TBC1D23: variants seen among roughly 807,000 people sequenced by gnomAD.
The protein encoded by TBC1D23 is TBC1 domain family member 23, also known as HCV non-structural protein 4A-transactivated protein 1.
Under a neutral mutation model 91.4 loss-of-function variants are expected in TBC1D23, and 55 were observed. That is an observed-to-expected ratio of 0.60 (90% CI 0.48 to 0.75). The LOEUF (loss-of-function observed/expected upper bound fraction) is 0.75, where lower values mean the gene tolerates loss of function less well. Ranked by LOEUF, TBC1D23 falls within the 30% of genes least tolerant of loss-of-function variation. The probability of loss-of-function intolerance (pLI) is 0.00; values close to 1 mark genes in which losing one functional copy is unlikely to be tolerated. For missense variants in TBC1D23, 725 were observed against 836.1 expected, an observed-to-expected ratio of 0.87 and a Z score of 1.64; for synonymous variants, 289 against 281.0, an observed-to-expected ratio of 1.03 and a Z score of -0.28.
At chr3:100,322,032 G>C (rs960245338) in intron 18 of TBC1D23, among the ~76,000 whole-genome samples, 2 of 151,502 alleles carry the variant, frequency 1.3e-5, no homozygotes, top group African/African-American at 4.8e-5. Context: ...TTTGTGTTCT[G>C]ATTTTTTAAG....
Position 100,290,668 on chromosome 3 carries a change from G to A in TBC1D23, c.567G>A (p.Lys189=), listed in dbSNP as rs1443752126. 6.2e-7 allele frequency: 1 copy of A among 1,612,678 alleles called. No individual in the cohort carries two copies. The highest frequency in any genetic ancestry group is 8.5e-7 in the Non-Finnish European group (1 of 1,179,116). ...EPELCSYLDT[K]KITPDSYALN... The stretch of plus-strand genomic sequence containing the variant: ...AGCTTTGTTCTTATCTTGATACAAA[G>A]AAAATTACTCCAGACTCCTATGCAC... Residue 189 remains lysine, a synonymous_variant, in exon 5 of 19, where the codon AAG becomes AAA. Coordinates refer to ENST00000394144, the MANE Select transcript of TBC1D23 (RefSeq NM_001199198.3).
chr3:100,282,393 TGTA>T (rs1238515704), intron 3 of TBC1D23, among the ~76,000 whole-genome samples: 3 of 152,234 alleles, frequency 2.0e-5, no homozygotes, highest in African/African-American at 7.2e-5. Flanking sequence ...ATGGGTTTGT[TGTA>T]GTCTTAAATT....
At chr3:100,312,448 T>A (rs576006077) in intron 15 of TBC1D23, among the ~76,000 whole-genome samples, 1 of 152,182 alleles carries the variant, frequency 6.6e-6, no homozygotes, top group East Asian at 1.9e-4. Flanking sequence ...GAAAAAAAAT[T>A]ACATTTTTTT....
At chr3:100,302,387 T>C (rs1042959168) in intron 11 of TBC1D23, 150 bp downstream of exon 11, 1 of 555,006 alleles carries the variant, frequency 1.8e-6, no homozygotes, top group African/African-American at 2.0e-5. Flanking sequence ...TCTCATATGC[T>C]TATATGATTT....
In TBC1D23 at chr3:100,284,305, C is replaced by T. The variant is rs551609890; in HGVS notation, c.476+494C>T. ...TTTTTATAACGTGTTGTATAATGCA[C>T]AGAAATTTATTTTTAAAAAATAATT... On this transcript the variant is annotated intron_variant, in intron 4 of 18. Coordinates refer to ENST00000394144, the MANE Select transcript of TBC1D23 (RefSeq NM_001199198.3). Among the ~76,000 whole-genome samples the T allele has an allele frequency of 4.5e-4, 68 of 152,008 alleles. 1 individual carries two copies. In the Middle Eastern group the frequency reaches 0.01, roughly 23 times the overall value.
At chr3:100,282,476 T>G (rs1272414042) in intron 3 of TBC1D23, among the ~76,000 whole-genome samples, 1 of 152,214 alleles carries the variant, frequency 6.6e-6, no homozygotes, top group Non-Finnish European at 1.5e-5. Flanking sequence ...TTCCAAAAGT[T>G]TATCTATAAA....
At position 100,295,166 on chromosome 3, in the gene TBC1D23, C is replaced by G; in HGVS notation, c.680C>G (p.Pro227Arg). The G allele has an allele frequency of 1.2e-6, 2 of 1,605,344 alleles. No homozygotes were observed. Among genetic ancestry groups the G allele is most frequent in the Non-Finnish European group, 1.7e-6 (2 of 1,176,296 alleles). The change falls in exon 6 of 19, where the codon CCA (proline) becomes CGA (arginine). Residue 227 changes from proline (P) to arginine (R), a missense_variant. Coordinates refer to ENST00000394144, the MANE Select transcript of TBC1D23 (RefSeq NM_001199198.3). ...GATGGATATCTACAACAAGCAGATCCATTTTTTATTTATTTCTTAATGTTA... is the reference window on the plus strand; with the variant it reads ...GATGGATATCTACAACAAGCAGATCGATTTTTTATTTATTTCTTAATGTTA... ...IWDGYLQQAD[P>R]FFIYFLMLII...
intron 1 of TBC1D23, among the ~76,000 whole-genome samples, chr3:100,263,906 T>C (rs2067535867): frequency 6.6e-6 from 1 of 152,180 alleles, no homozygotes; most frequent in South Asian, 2.1e-4. Flanking sequence ...TTTTCTCTTG[T>C]AGGATTGATG....
chr3:100,304,954 G>A, intron 12 of TBC1D23, 66 bp downstream of exon 12: 2 of 885,406 alleles, frequency 2.3e-6, no homozygotes, highest in South Asian at 2.8e-5. Context: ...ATTATCAATA[G>A]AGTTGATCTG....
chr3:100,306,295 C>CGTCTG, intron 12 of TBC1D23, 142 bp from the exon 13 acceptor site: 1 of 577,258 alleles, frequency 1.7e-6, no homozygotes, highest in Non-Finnish European at 3.1e-6. Flanking sequence ...CCTTTACAGA[C>CGTCTG]GTGCAGAAAG....
At position 100,305,678 on chromosome 3, in the gene TBC1D23, A is replaced by C. The variant is rs556718464; in HGVS notation, c.1307-759A>C. Among the ~76,000 whole-genome samples, 4 of 152,292 alleles carry C rather than the reference A, an allele frequency of 2.6e-5. No homozygotes were observed. In the South Asian group the frequency reaches 6.2e-4, roughly 24 times the overall value. On this transcript the variant is annotated intron_variant, in intron 12 of 18. Transcript: ENST00000394144. ...GGCTGTAACTTAGGATTTTGGGAAC[A>C]TTAGGATGTATTTCCTCCTGGTCAT... is the stretch of plus-strand genomic sequence containing the variant.
chr3:100,320,589 T>A (rs1705836800), intron 17 of TBC1D23, among the ~76,000 whole-genome samples, 188 bp from the exon 18 acceptor site: 2 of 152,196 alleles, frequency 1.3e-5, no homozygotes, highest in African/African-American at 4.8e-5. Context: ...AAAATATTAA[T>A]TTTGCATACA....
intron 15 of TBC1D23, chr3:100,315,893 C>T: frequency 1.8e-6 from 1 of 562,574 alleles, no homozygotes; most frequent in East Asian, 2.8e-5. Context: ...CTACCAAGGC[C>T]TTATGCCACT....
chr3:100,320,187 G>C (rs1705824787), intron 17 of TBC1D23, among the ~76,000 whole-genome samples: 1 of 151,866 alleles, frequency 6.6e-6, no homozygotes, highest in Non-Finnish European at 1.5e-5. Flanking sequence ...TCATCCTACA[G>C]AATGTTCCAC....
intron 1 of TBC1D23, among the ~76,000 whole-genome samples, chr3:100,277,199 T>C (rs1164475375): frequency 6.6e-6 from 1 of 152,252 alleles, no homozygotes; most frequent in African/African-American, 2.4e-5. Flanking sequence ...AGAATTCTTA[T>C]CTCTGATTGA....
At chr3:100,312,073 T>G (rs1705634416) in intron 15 of TBC1D23, among the ~76,000 whole-genome samples, 196 bp downstream of exon 15, 1 of 152,236 alleles carries the variant, frequency 6.6e-6, no homozygotes, top group African/African-American at 2.4e-5. Context: ...TTGATCATTT[T>G]AATTTCTTTT....
At chr3:100,283,084 G>A (rs2067708695) in intron 3 of TBC1D23, among the ~76,000 whole-genome samples, 1 of 152,188 alleles carries the variant, frequency 6.6e-6, no homozygotes, top group Non-Finnish European at 1.5e-5. Flanking sequence ...TTAAAAGACT[G>A]TTAGAAGGCC....
At chr3:100,306,160 A>G (rs1473277119) in intron 12 of TBC1D23, among the ~76,000 whole-genome samples, 1 of 152,236 alleles carries the variant, frequency 6.6e-6, no homozygotes, top group Admixed American at 6.5e-5. Flanking sequence ...ATTTCCTTTC[A>G]AAGAAGAAAA....
intron 1 of TBC1D23, among the ~76,000 whole-genome samples, chr3:100,275,774 G>A (rs1432941572): frequency 6.6e-6 from 1 of 152,202 alleles, no homozygotes; most frequent in Non-Finnish European, 1.5e-5. Flanking sequence ...AGCCCATTAT[G>A]TAATGGATGG....
Sources: allele counts gnomAD v4.1 joint callset (sites outside exome capture counted in the v4.1 genomes callset), GRCh38; gene constraint gnomAD v4.1.1; transcripts MANE v1.5; gene names NCBI Gene and HGNC (gene_info 2026-07-23, HGNC 2026-07-21).